The following GSE1 variants were observed in gnomAD, a reference collection of about 807,000 sequenced individuals.
GSE1 encodes Gse1 coiled-coil protein.
In GSE1, 32 loss-of-function variants were observed where a neutral mutation model predicts 112.6. The ratio of observed to expected loss-of-function variants is 0.28; its 90% CI spans 0.21 to 0.38. GSE1 has a LOEUF of 0.38. Ranked by LOEUF, GSE1 falls within the 10% of genes least tolerant of loss-of-function variation. GSE1 has a pLI of 1.00. For missense variants in GSE1, 2,348 were observed against 1,699.2 expected, an observed-to-expected ratio of 1.38 and a Z score of -6.71; for synonymous variants, 1,115 against 735.6, an observed-to-expected ratio of 1.52 and a Z score of -8.35.
chr16:85,494,315 C>T (rs549730596), intron 2 of GSE1, among the ~76,000 whole-genome samples: 319 of 152,370 alleles, frequency 2.1e-3, no homozygotes, highest in Middle Eastern at 0.01. Flanking sequence ...CGCTTCACTA[C>T]AGTCTCTTCC....
At chr16:85,171,506 A>C (rs1328559255) in exon 1 of GSE1, 1 of 985,420 alleles carries the variant, frequency 1.0e-6, no homozygotes, top group Admixed American at 6.1e-5. Flanking sequence ...TGGCTGCAGC[A>C]TGAGGCCCGC....
At chr16:85,393,905 G>A (rs949838197) in intron 2 of GSE1, among the ~76,000 whole-genome samples, 1 of 152,150 alleles carries the variant, frequency 6.6e-6, no homozygotes, top group Non-Finnish European at 1.5e-5. Flanking sequence ...GCCAGCTTGC[G>A]CCCGGCAGTC....
intron 2 of GSE1, among the ~76,000 whole-genome samples, chr16:85,395,665 T>C (rs1241817614): frequency 1.3e-5 from 2 of 152,300 alleles, no homozygotes; most frequent in South Asian, 2.1e-4. Context: ...TTTGCATCTT[T>C]TGACTCACCC....
At chr16:85,645,462 C>T (rs188582892) in intron 2 of GSE1, among the ~76,000 whole-genome samples, 3 of 152,270 alleles carry the variant, frequency 2.0e-5, no homozygotes, top group East Asian at 1.9e-4. Flanking sequence ...GCCCAGATAC[C>T]GTTCTGCAGG....
rs2075491967 is a variant in GSE1 at position 85,226,711 on chromosome 16, G to A, written c.2283+54904G>A. 2.6e-5 allele frequency among the ~76,000 whole-genome samples: 4 copies of A among 151,954 alleles called. No individual in the cohort carries two copies. The South Asian group carries it at 8.3e-4, about 32-fold the overall frequency. ...TGATGGGTGTCCCCTGCTGGGAGGT[G>A]GCCTGAGCCTGAGCCTCCCTGGGCT... On this transcript the variant is annotated intron_variant, in intron 1 of 2. Transcript: ENST00000637419.
At chr16:85,382,916 A>G (rs953872974) in intron 2 of GSE1, among the ~76,000 whole-genome samples, 6 of 151,724 alleles carry the variant, frequency 4.0e-5, no homozygotes, top group African/African-American at 1.2e-4. Flanking sequence ...GTGCACACAT[A>G]CATGCACACA....
chr16:85,304,599 G>GGA lies in GSE1; in HGVS notation c.2284-52863_2284-52862insAG, dbSNP rs1735468213. Reference sequence around the variant, plus strand: ...GCTGCATGGCAGCTGCCAAGCCGGGGGCGGGGGGGTGGGGCATCCCTTTTG... The same window carrying GGA: ...GCTGCATGGCAGCTGCCAAGCCGGGGGAGCGGGGGGGTGGGGCATCCCTTTTG... On this transcript the variant is annotated intron_variant, in intron 1 of 2. Transcript: ENST00000637419. 2.7e-5 allele frequency among the ~76,000 whole-genome samples: 3 copies of GGA among 110,110 alleles called. 1 individual carries two copies. The highest frequency in any genetic ancestry group is 3.8e-5 in the Non-Finnish European group (2 of 52,158). The allele number at this position is 110,110 out of a possible 152,430, so 72.2% of individuals were successfully genotyped here. A position where few individuals can be genotyped will look rare whatever the true frequency, so the allele number is the denominator to read the frequency against.
At chr16:85,574,246 C>T (rs994823582) in intron 1 of GSE1, among the ~76,000 whole-genome samples, 2 of 152,318 alleles carry the variant, frequency 1.3e-5, no homozygotes, top group Admixed American at 6.5e-5. Context: ...ATAGCAGGCC[C>T]CCAGAATGCT....
rs931605001 is a variant in GSE1 at position 85,663,763 on chromosome 16, C to T, written c.2644+149C>T. The stretch of plus-strand genomic sequence containing the variant: ...TACTCCTCCCGGCTCCCGGGAACAG[C>T]CTCTCTGTTCTTACAAGCCCTCCAT... On this transcript the variant is annotated intron_variant, in intron 11 of 15. Coordinates refer to ENST00000253458, the MANE Select transcript of GSE1 (RefSeq NM_014615.5). The T allele has an allele frequency of 2.1e-5, 16 of 774,788 alleles. No individual in the cohort carries two copies. In the East Asian group the frequency reaches 4.2e-4, roughly 20 times the overall value. The allele number at this position is 774,788 out of a possible 1,614,324, so 48.0% of individuals were successfully genotyped here. A position where few individuals can be genotyped will look rare whatever the true frequency, so the allele number is the denominator to read the frequency against.
chr16:85,170,514 A>G (rs2074342534), exon 1 of GSE1: 2 of 985,826 alleles, frequency 2.0e-6, no homozygotes, highest in Non-Finnish European at 2.4e-6. Flanking sequence ...CCAGTGGGGA[A>G]GAGGACCACA....
chr16:85,414,322 T>C (rs2048654559), intron 2 of GSE1, among the ~76,000 whole-genome samples: 1 of 152,226 alleles, frequency 6.6e-6, no homozygotes. Context: ...TGGTCAGGTG[T>C]TTCTCCAACA....
intron 2 of GSE1, among the ~76,000 whole-genome samples, chr16:85,507,128 GCGTCGT>G (rs1484091030): frequency 6.6e-6 from 1 of 152,208 alleles, no homozygotes; most frequent in Non-Finnish European, 1.5e-5. Flanking sequence ...CCATCAGCGG[GCGTCGT>G]CGACGCTCGC....
intron 2 of GSE1, among the ~76,000 whole-genome samples, chr16:85,529,820 G>A (rs190356144): frequency 1.3e-5 from 2 of 152,326 alleles, no homozygotes; most frequent in Non-Finnish European, 1.5e-5. Context: ...TGATTACTGG[G>A]AAACAGGACC....
chr16:85,557,546 C>T (rs1240803066), intron 1 of GSE1, among the ~76,000 whole-genome samples: 1 of 150,138 alleles, frequency 6.7e-6, no homozygotes, highest in African/African-American at 2.4e-5. Flanking sequence ...GAAGGGTGCA[C>T]GTGGCCCGGT....
At chr16:85,403,731 G>A (rs896013394) in intron 2 of GSE1, among the ~76,000 whole-genome samples, 2 of 152,172 alleles carry the variant, frequency 1.3e-5, no homozygotes, top group Admixed American at 6.5e-5. Flanking sequence ...GAGCCCAGGA[G>A]GTTGAGGCTG....
chr16:85,419,288 G>A lies in GSE1; in HGVS notation c.2464+61645G>A, dbSNP rs1297336923. Among the ~76,000 whole-genome samples the A allele has an allele frequency of 6.6e-6, 1 of 152,184 alleles. No individual in the cohort carries two copies. Among genetic ancestry groups the A allele is most frequent in the African/African-American group, 2.4e-5 (1 of 41,442 alleles). On this transcript the variant is annotated intron_variant, in intron 2 of 2. Coordinates refer to the GSE1 transcript ENST00000637419. The surrounding 1 kb of genome is among the most constrained non-coding windows in gnomAD (Gnocchi z 6.5). ...AGGGCGCTAGAGGCCACCTCAGGAG[G>A]CAACATTTAGAGTCGGGGTCAGGGT...
At chr16:85,377,826 A>G (rs1439783067) in intron 2 of GSE1, among the ~76,000 whole-genome samples, 1 of 152,196 alleles carries the variant, frequency 6.6e-6, no homozygotes, top group African/African-American at 2.4e-5. Context: ...CCCGGCATCC[A>G]CATGTGCAGG....
At chr16:85,303,041 A>C (rs985247748) in intron 1 of GSE1, among the ~76,000 whole-genome samples, 21 of 152,230 alleles carry the variant, frequency 1.4e-4, no homozygotes, top group African/African-American at 2.4e-5. Flanking sequence ...GACTGGAGCC[A>C]GTCCTGTGGC....
rs77863796 is a variant in GSE1 at position 85,257,570 on chromosome 16, G to C, written c.2283+85763G>C. On this transcript the variant is annotated intron_variant, in intron 1 of 2. Transcript: ENST00000637419. ...ATAATGAAAAATGAAATCACATTTA[G>C]TCAAGCATTTTATAAACTGCCTTTA... 7.5e-4 allele frequency among the ~76,000 whole-genome samples: 114 copies of C among 152,344 alleles called. 2 individuals are homozygous for C. The East Asian group carries it at 0.021, about 29-fold the overall frequency.
Sources: gnomAD v4.1 joint callset for allele counts (sites outside exome capture counted in the v4.1 genomes callset) on GRCh38, gnomAD v4.1.1 for gene constraint, Gnocchi (gnomAD v3.1) non-coding constraint, MANE v1.5 for transcripts, NCBI Gene and HGNC (gene_info 2026-07-23, HGNC 2026-07-21) for gene names.